The following KDM4C variants were observed in gnomAD, a reference collection of about 807,000 sequenced individuals.
The protein encoded by KDM4C is lysine demethylase 4C, also known as lysine-specific demethylase 4C.
Under a neutral mutation model 129.3 loss-of-function variants are expected in KDM4C, and 81 were observed. The observed-to-expected ratio is 0.63, with a 90% CI of 0.52 to 0.75. The LOEUF (loss-of-function observed/expected upper bound fraction) is 0.75, where lower values mean the gene tolerates loss of function less well. KDM4C is among the 30% of genes least tolerant of loss of function. The probability of loss-of-function intolerance (pLI) is 0.00; values close to 1 mark genes in which losing one functional copy is unlikely to be tolerated. For missense variants in KDM4C, 1,457 were observed against 1,304.0 expected, an observed-to-expected ratio of 1.12 and a Z score of -1.81; for synonymous variants, 573 against 456.1, an observed-to-expected ratio of 1.26 and a Z score of -3.26.
intron 8 of KDM4C, among the ~76,000 whole-genome samples, chr9:6,959,799 G>A (rs1829719660): frequency 6.6e-6 from 1 of 152,048 alleles, no homozygotes; most frequent in Non-Finnish European, 1.5e-5. Flanking sequence ...CTTCCTTTCA[G>A]TTGTAATAAA....
At chr9:7,170,758 C>T in intron 21 of KDM4C, 1 of 983,216 alleles carries the variant, frequency 1.0e-6, no homozygotes, top group Non-Finnish European at 1.2e-6. Context: ...TACTTGTCTG[C>T]AGTGATAGAG....
intron 19 of KDM4C, among the ~76,000 whole-genome samples, chr9:7,139,030 G>T (rs957396660): frequency 1.3e-5 from 2 of 152,102 alleles, no homozygotes; most frequent in Admixed American, 1.3e-4. Context: ...CCAGCACCTT[G>T]GGAGTTCGAG....
At chr9:7,080,636 A>G (rs1389010289) in intron 17 of KDM4C, among the ~76,000 whole-genome samples, 1 of 152,170 alleles carries the variant, frequency 6.6e-6, no homozygotes, top group East Asian at 1.9e-4. Context: ...ATTGGGTTTT[A>G]TATTTGGGGC....
intron 19 of KDM4C, among the ~76,000 whole-genome samples, chr9:7,160,177 C>G (rs1295162546): frequency 6.6e-6 from 1 of 152,162 alleles, no homozygotes; most frequent in Non-Finnish European, 1.5e-5. Flanking sequence ...GTTTTCAGCT[C>G]TGTCAGGTCA....
intron 8 of KDM4C, among the ~76,000 whole-genome samples, chr9:6,948,453 T>C (rs1181624893): frequency 6.9e-6 from 1 of 145,804 alleles, no homozygotes; most frequent in Non-Finnish European, 1.5e-5. Flanking sequence ...TATGACACTT[T>C]CCTCATTTTT....
intron 8 of KDM4C, among the ~76,000 whole-genome samples, chr9:6,929,223 C>T (rs573956351): frequency 6.6e-6 from 1 of 152,110 alleles, no homozygotes; most frequent in African/African-American, 2.4e-5. Flanking sequence ...TGTCTAATAT[C>T]TGTTATAGGT....
intron 2 of KDM4C, among the ~76,000 whole-genome samples, chr9:6,800,014 T>G (rs1028182797): frequency 1.3e-5 from 2 of 150,350 alleles, no homozygotes; most frequent in African/African-American, 4.9e-5. Flanking sequence ...CTTGAGCCCA[T>G]GAGTTCGAGA....
chr9:6,930,239 T>C (rs1488186545), intron 8 of KDM4C, among the ~76,000 whole-genome samples: 1 of 152,178 alleles, frequency 6.6e-6, no homozygotes, highest in Non-Finnish European at 1.5e-5. Context: ...GGTAGGTTTT[T>C]TGGATATGTA....
At chr9:6,812,839 G>A (rs974439927) in intron 3 of KDM4C, among the ~76,000 whole-genome samples, 2 of 152,212 alleles carry the variant, frequency 1.3e-5, no homozygotes, top group African/African-American at 4.8e-5. Context: ...GTGGTGGAAT[G>A]ATGACAGATT....
chr9:6,948,537 G>A (rs1245629252), intron 8 of KDM4C, among the ~76,000 whole-genome samples: 2 of 149,412 alleles, frequency 1.3e-5, no homozygotes, highest in Non-Finnish European at 3.0e-5. Flanking sequence ...CGCAGAGGGG[G>A]ATTTGGCAGG....
At chr9:6,783,409 T>G (rs1287813863) in intron 1 of KDM4C, among the ~76,000 whole-genome samples, 1 of 152,204 alleles carries the variant, frequency 6.6e-6, no homozygotes, top group Non-Finnish European at 1.5e-5. Flanking sequence ...CTATACAGCT[T>G]TATACTCATC....
chr9:7,086,924 A>G lies in KDM4C; in HGVS notation c.2425-16761A>G, dbSNP rs142909554. 3.8e-3 allele frequency among the ~76,000 whole-genome samples: 585 copies of G among 152,276 alleles called. 3 individuals carry two copies. Among genetic ancestry groups the G allele is most frequent in the African/African-American group, 0.013 (557 of 41,558 alleles). The stretch of plus-strand genomic sequence containing the variant: ...GGGGCAGACAGTTGGTCTTTCTGCC[A>G]TCTATCTGTGATCCTCCATGCGTCT... On this transcript the variant is annotated intron_variant, in intron 17 of 21. Transcript: ENST00000381309.
At chr9:6,872,825 A>G (rs551846655) in intron 5 of KDM4C, among the ~76,000 whole-genome samples, 4 of 152,304 alleles carry the variant, frequency 2.6e-5, no homozygotes, top group Admixed American at 2.6e-4. Context: ...TATAATTCTT[A>G]AGGGTCCTAT....
intron 19 of KDM4C, among the ~76,000 whole-genome samples, chr9:7,164,932 C>A (rs1289601617): frequency 6.6e-6 from 1 of 152,136 alleles, no homozygotes; most frequent in African/African-American, 2.4e-5. Flanking sequence ...TATTCCTCAG[C>A]TAAAGCGGTT....
At chr9:6,941,807 A>T (rs1825993724) in intron 8 of KDM4C, 1 of 152,286 alleles carries the variant, frequency 6.6e-6, no homozygotes. Flanking sequence ...GGGCATGACC[A>T]GCCTGCAGAT....
intron 5 of KDM4C, among the ~76,000 whole-genome samples, chr9:6,867,165 A>G (rs981117062): frequency 3.3e-5 from 5 of 151,490 alleles, no homozygotes; most frequent in African/African-American, 1.2e-4. Context: ...ACAGGCACAC[A>G]CCTACACACC....
intron 12 of KDM4C, among the ~76,000 whole-genome samples, chr9:7,011,263 G>A (rs1822637536): frequency 6.6e-6 from 1 of 152,164 alleles, no homozygotes; most frequent in Non-Finnish European, 1.5e-5. Context: ...ATTGAGCCAT[G>A]TACTATGTTA....
In KDM4C at chr9:7,175,503, GTTTC is replaced by G. The variant is rs1294052693; in HGVS notation, c.*779_*782del. The G allele has an allele frequency of 6.6e-5, 10 of 152,492 alleles. No individual in the cohort carries two copies. The highest frequency in any genetic ancestry group is 2.4e-4 in the African/African-American group (10 of 41,472). The allele number at this position is 152,492 out of a possible 1,614,324, so 9.4% of individuals were successfully genotyped here. The stretch of plus-strand genomic sequence containing the variant: ...CCGAGTAGATATTTATAAAATATAT[GTTTC>G]TTTCATTATGTGTTTGTAAAATTAG... On this transcript the variant is annotated 3_prime_UTR_variant, in exon 22 of 22. Coordinates refer to ENST00000381309, the MANE Select transcript of KDM4C (RefSeq NM_015061.6).
At chr9:6,967,798 C>G (rs915993974) in intron 8 of KDM4C, among the ~76,000 whole-genome samples, 1 of 152,172 alleles carries the variant, frequency 6.6e-6, no homozygotes, top group Non-Finnish European at 1.5e-5. Flanking sequence ...ACTCCATATC[C>G]TGGATTCTCA....
Sources: gnomAD v4.1 joint callset for allele counts (sites outside exome capture counted in the v4.1 genomes callset) on GRCh38, gnomAD v4.1.1 for gene constraint, MANE v1.5 for transcripts, NCBI Gene and HGNC (gene_info 2026-07-23, HGNC 2026-07-21) for gene names.